GRIN3A: variants seen among roughly 807,000 people sequenced by gnomAD.
The protein encoded by GRIN3A is glutamate receptor ionotropic, NMDA 3A.
A neutral mutation model predicts 92.4 loss-of-function variants in GRIN3A; 47 were observed. The ratio of observed to expected loss-of-function variants is 0.51; its 90% CI spans 0.40 to 0.65. The LOEUF is 0.65. Among genes scored for constraint, GRIN3A ranks in the 30% least tolerant of loss-of-function variants. The pLI, the probability that GRIN3A is intolerant of heterozygous loss-of-function variation, is 0.00. For synonymous variants in GRIN3A, 527 were observed against 540.6 expected (o/e 0.97, Z 0.35); for missense variants, 1,324 against 1,393.1 (o/e 0.95, Z 0.79).
chr9:101,719,979 G>A (rs1197004871), intron 1 of GRIN3A, among the ~76,000 whole-genome samples: 2 of 152,020 alleles, frequency 1.3e-5, no homozygotes, highest in African/African-American at 4.8e-5. Context: ...GTGAACAGCC[G>A]AGCACCCTGG....
At chr9:101,683,131 T>C (rs1405691118) in intron 2 of GRIN3A, among the ~76,000 whole-genome samples, 2 of 152,188 alleles carry the variant, frequency 1.3e-5, no homozygotes, top group Admixed American at 6.5e-5. Flanking sequence ...AAGAATAAAA[T>C]CTCTAATACC....
rs10631033 is a variant in GRIN3A at position 101,641,792 on chromosome 9, T to TA, written c.2353-13392dup. Among the ~76,000 whole-genome samples the TA allele has an allele frequency of 3.7e-3, 518 of 141,896 alleles. 1 individual carries two copies. The highest frequency in any genetic ancestry group is 0.01 in the African/African-American group (397 of 38,842). 93.1% of individuals were successfully genotyped at this position (141,896 alleles called of 152,430 possible). On this transcript the variant is annotated intron_variant, in intron 3 of 8. Coordinates refer to ENST00000361820, the MANE Select transcript of GRIN3A (RefSeq NM_133445.3). ...ACTTAAAGTATAATAACAATAAAAT[T>TA]AAAAAAAAAAACGAAATGCAATAAA...
At position 101,590,855 on chromosome 9, in the gene GRIN3A, A is replaced by G. The variant is rs1238848550; in HGVS notation, c.2767-11495T>C. On this transcript the variant is annotated intron_variant, in intron 6 of 8. Transcript: ENST00000361820. ...ATAAAAAATTGTCTTCATTTAAAAA[A>G]TTCATACTGTTCCTCAGACAGTGGC... Among the ~76,000 whole-genome samples, 4 of 152,214 alleles carry G rather than the reference A, an allele frequency of 2.6e-5. No homozygotes were observed. The East Asian group carries it at 7.7e-4, about 29-fold the overall frequency.
chr9:101,678,353 T>C (rs1161079073), intron 2 of GRIN3A, among the ~76,000 whole-genome samples: 1 of 152,158 alleles, frequency 6.6e-6, no homozygotes, highest in Non-Finnish European at 1.5e-5. Context: ...AAAATTGAAG[T>C]TAGTTCAATG....
At chr9:101,577,046 A>C (rs1158078617) in intron 8 of GRIN3A, among the ~76,000 whole-genome samples, 1 of 152,164 alleles carries the variant, frequency 6.6e-6, no homozygotes, top group East Asian at 1.9e-4. Context: ...GTCACCATGA[A>C]ATAGGGAACA....
intron 2 of GRIN3A, among the ~76,000 whole-genome samples, chr9:101,674,369 C>T (rs1431592892): frequency 6.6e-6 from 1 of 152,070 alleles, no homozygotes; most frequent in Admixed American, 6.6e-5. Context: ...TTTGCTTCCT[C>T]TTTTACTCTC....
chr9:101,709,586 A>G (rs1829854288), intron 1 of GRIN3A, among the ~76,000 whole-genome samples: 1 of 152,114 alleles, frequency 6.6e-6, no homozygotes, highest in Non-Finnish European at 1.5e-5. Context: ...AAAATCAGAA[A>G]ATTTTATTTT....
At chr9:101,685,471 C>T (rs1011158186) in intron 2 of GRIN3A, among the ~76,000 whole-genome samples, 16 of 151,972 alleles carry the variant, frequency 1.1e-4, no homozygotes, top group Non-Finnish European at 2.2e-4. Flanking sequence ...GGGAAACATT[C>T]GTCTTTGAAG....
At chr9:101,615,513 C>A (rs558022802) in intron 5 of GRIN3A, among the ~76,000 whole-genome samples, 2 of 151,804 alleles carry the variant, frequency 1.3e-5, no homozygotes, top group African/African-American at 4.8e-5. Context: ...CCCGCCACCA[C>A]ACCCAGCTAA....
chr9:101,653,880 A>G lies in GRIN3A; in HGVS notation c.2352+16180T>C, dbSNP rs1434271380. On this transcript the variant is annotated intron_variant, in intron 3 of 8. Transcript: ENST00000361820. ...AAGCTGAAAAAATATTGTCAAGTGTAATACAAATGAAAATTGTATTATCGC... is the reference window on the plus strand; with the variant it reads ...AAGCTGAAAAAATATTGTCAAGTGTGATACAAATGAAAATTGTATTATCGC... 2.0e-5 allele frequency among the ~76,000 whole-genome samples: 3 copies of G among 152,014 alleles called. No individual in the cohort carries two copies. In the South Asian group the frequency reaches 6.2e-4, roughly 31 times the overall value.
At position 101,677,631 on chromosome 9, in the gene GRIN3A, T is replaced by C. The variant is rs1194752471; in HGVS notation, c.1305-6524A>G. Among the ~76,000 whole-genome samples the C allele has an allele frequency of 2.6e-5, 4 of 152,104 alleles. No individual in the cohort carries two copies. In the South Asian group the frequency reaches 6.2e-4, roughly 24 times the overall value. ...CTTACGGCCCTAGGGAACCTTTCTG[T>C]ACTTGATGGCGAGTTGTTACTAGTT... On this transcript the variant is annotated intron_variant, in intron 2 of 8. Transcript: ENST00000361820.
At chr9:101,618,944 A>G (rs1402922399) in intron 5 of GRIN3A, among the ~76,000 whole-genome samples, 3 of 152,180 alleles carry the variant, frequency 2.0e-5, no homozygotes, top group Admixed American at 6.5e-5. Flanking sequence ...ATGAAGCAAA[A>G]TGGAATCCTT....
At chr9:101,704,019 G>T (rs988640811) in intron 1 of GRIN3A, among the ~76,000 whole-genome samples, 1 of 152,232 alleles carries the variant, frequency 6.6e-6, no homozygotes, top group East Asian at 1.9e-4. Context: ...AAACACAAGC[G>T]AAAGGGCTTC....
At position 101,686,949 on chromosome 9, in the gene GRIN3A, A is replaced by G. The variant is rs755028322; in HGVS notation, c.951T>C (p.Ser317=). Residue 317 remains serine (S), a synonymous_variant, in exon 2 of 9, where the codon AGT becomes AGC. Coordinates refer to ENST00000361820, the MANE Select transcript of GRIN3A (RefSeq NM_133445.3). ...LLSFLQIQLE[S]IKNSTPTVVM... ...CCACTGTGGGTGTGCTGTTCTTAAT[A>G]CTCTCAAGCTGGATCTGTAGGAAGC... The G allele has an allele frequency of 1.2e-6, 2 of 1,613,880 alleles. No homozygotes were observed. Among genetic ancestry groups the G allele is most frequent in the Non-Finnish European group, 8.5e-7 (1 of 1,179,982 alleles).
At chr9:101,607,690 G>A (rs189101954) in intron 6 of GRIN3A, among the ~76,000 whole-genome samples, 1 of 152,228 alleles carries the variant, frequency 6.6e-6, no homozygotes, top group African/African-American at 2.4e-5. Context: ...GTTGAAGTAG[G>A]CTTCAAGGAT....
At chr9:101,733,109 A>T (rs1331006603) in intron 1 of GRIN3A, among the ~76,000 whole-genome samples, 1 of 152,336 alleles carries the variant, frequency 6.6e-6, no homozygotes, top group East Asian at 1.9e-4. Flanking sequence ...AAACACGAGG[A>T]ATTAGAAATT....
intron 7 of GRIN3A, 152 bp downstream of exon 7, chr9:101,579,044 G>T: frequency 1.3e-6 from 1 of 762,782 alleles, no homozygotes; most frequent in Non-Finnish European, 2.3e-6. Flanking sequence ...TAATGGGATA[G>T]AGAGAATTCC....
chr9:101,720,149 C>T (rs1367969548), intron 1 of GRIN3A, among the ~76,000 whole-genome samples: 1 of 152,152 alleles, frequency 6.6e-6, no homozygotes, highest in Non-Finnish European at 1.5e-5. Flanking sequence ...GAGGATGAAA[C>T]AAGGGTGGGT....
intron 1 of GRIN3A, among the ~76,000 whole-genome samples, chr9:101,721,510 G>C (rs1450278766): frequency 1.3e-5 from 2 of 152,208 alleles, no homozygotes; most frequent in Admixed American, 1.3e-4. Context: ...GTAATGGGCA[G>C]AGGCTGGAAC....
Sources: allele counts gnomAD v4.1 joint callset (sites outside exome capture counted in the v4.1 genomes callset), GRCh38; gene constraint gnomAD v4.1.1; transcripts MANE v1.5; gene names NCBI Gene and HGNC (gene_info 2026-07-23, HGNC 2026-07-21).